The following PZP variants were observed in gnomAD, a reference collection of about 807,000 sequenced individuals.
The protein encoded by PZP is PZP alpha-2-macroglobulin like.
A neutral mutation model predicts 179.8 loss-of-function variants in PZP; 150 were observed. The observed-to-expected ratio is 0.83, with a 90% CI of 0.73 to 0.96. The LOEUF (loss-of-function observed/expected upper bound fraction) is 0.96. PZP is among the 40% of genes least tolerant of loss of function. The pLI is 0.00. For missense variants in PZP, 1,689 were observed against 1,764.0 expected (o/e 0.96, Z 0.76); for synonymous variants, 624 against 652.3 (o/e 0.96, Z 0.66).
At chr12:9,191,715 G>T (rs1592538973) in intron 13 of PZP, among the ~76,000 whole-genome samples, 1 of 151,958 alleles carries the variant, frequency 6.6e-6, no homozygotes, top group South Asian at 2.1e-4. Flanking sequence ...AATAGAAAAC[G>T]ATCTTGGTTC....
Position 9,163,733 on chromosome 12 carries a change from T to G in PZP, c.2671A>C (p.Asn891His). The G allele has an allele frequency of 6.2e-7, 1 of 1,613,892 alleles. No homozygotes were observed. The highest frequency in any genetic ancestry group is 8.5e-7 in the Non-Finnish European group (1 of 1,179,838). ...ATCTCAGGGACCTCAACAACCTCAT[T>G]TCCACAGAGTTCTAAGGACTGCATT... Reference protein sequence around the residue: ...EAMQSLELCGNEVVEVPEIKR... With the variant: ...EAMQSLELCGHEVVEVPEIKR... Residue 891 changes from asparagine to histidine, a missense_variant, in exon 21 of 36, where the codon AAT becomes CAT. Physicochemically the swap from Asn to His is moderately conservative, Grantham distance 68. Around this residue, in one of 3 missense-constraint regions of PZP, gnomAD observed 746 missense variants for 749.2 expected, o/e 1.00. Transcript: ENST00000261336.
Position 9,188,230 on chromosome 12 carries a change from C to T in PZP, c.1546+3963G>A, listed in dbSNP as rs1055374312. Among the ~76,000 whole-genome samples, 7 of 152,262 alleles carry T rather than the reference C, an allele frequency of 4.6e-5. No individual in the cohort carries two copies. In the South Asian group the frequency reaches 8.3e-4, roughly 18 times the overall value. ...CAAGGTTGGTTCAACATAGGCATATCAATAAATGTGATTCATTCATATAAA... is the reference window on the plus strand; with the variant it reads ...CAAGGTTGGTTCAACATAGGCATATTAATAAATGTGATTCATTCATATAAA... On this transcript the variant is annotated intron_variant, in intron 13 of 35. Coordinates refer to ENST00000261336, the MANE Select transcript of PZP (RefSeq NM_002864.3).
Position 9,151,694 on chromosome 12 carries a change from CAGTTAA to C in PZP, c.4213-28_4213-23del, listed in dbSNP as rs752552564. The C allele has an allele frequency of 4.4e-6, 7 of 1,601,302 alleles. No individual in the cohort carries two copies. In the South Asian group the frequency reaches 7.7e-5, roughly 18 times the overall value. ...CAAGCTGGAGAGAATTAGAAAACTTCAGTTAAAGTTAGAGAACAGATGTGAGAATGG... is the reference window on the plus strand; with the variant it reads ...CAAGCTGGAGAGAATTAGAAAACTTCAGTTAGAGAACAGATGTGAGAATGG... On this transcript the variant is annotated intron_variant, in intron 32 of 35. Coordinates refer to ENST00000261336, the MANE Select transcript of PZP (RefSeq NM_002864.3).
chr12:9,158,702 T>C, intron 25 of PZP, 126 bp from the exon 26 acceptor site: 1 of 891,094 alleles, frequency 1.1e-6, no homozygotes, highest in Non-Finnish European at 1.6e-6. Flanking sequence ...TACTGAGAGT[T>C]TGGAGACTTT....
intron 15 of PZP, among the ~76,000 whole-genome samples, chr12:9,171,678 A>G (rs997716036): frequency 8.5e-5 from 13 of 152,242 alleles, no homozygotes; most frequent in African/African-American, 2.9e-4. Context: ...CCGCATCTCA[A>G]GAACTTCACA....
At chr12:9,162,675 A>T in intron 21 of PZP, 27 bp from the exon 22 acceptor site, 1 of 1,541,272 alleles carries the variant, frequency 6.5e-7, no homozygotes. Context: ...GAAAAGGAGA[A>T]AAGATAGAAA....
intron 29 of PZP, among the ~76,000 whole-genome samples, chr12:9,154,206 G>T (rs2120552466): frequency 6.6e-6 from 1 of 152,298 alleles, no homozygotes; most frequent in East Asian, 1.9e-4. Context: ...TGTTTCAACT[G>T]GAAGTGACGT....
intron 7 of PZP, among the ~76,000 whole-genome samples, chr12:9,197,930 A>C (rs1320012470): frequency 1.5e-5 from 2 of 130,566 alleles, no homozygotes; most frequent in Non-Finnish European, 3.1e-5. Flanking sequence ...TATATAAGTT[A>C]TCTATATATT....
the PZP span, among the ~76,000 whole-genome samples, chr12:9,142,406 G>C: frequency 6.6e-6 from 1 of 152,198 alleles, no homozygotes; most frequent in Non-Finnish European, 1.5e-5. Context: ...GTATTTGGCA[G>C]AGATAAGTAT....
chr12:9,204,664 A>G (rs895481546), intron 1 of PZP, among the ~76,000 whole-genome samples: 1 of 152,180 alleles, frequency 6.6e-6, no homozygotes, highest in African/African-American at 2.4e-5. Flanking sequence ...CACACACTGT[A>G]TTTTATTATC....
chr12:9,167,424 G>A (rs569174940), intron 17 of PZP: 1 of 152,008 alleles, frequency 6.6e-6, no homozygotes, highest in Non-Finnish European at 1.5e-5. Context: ...GGCTCACAAG[G>A]GTATCTCCTG....
Position 9,152,245 on chromosome 12 carries a change from A to G in PZP, c.4187T>C (p.Ile1396Thr), listed in dbSNP as rs1399482835. 2 of 1,611,448 alleles carry G rather than the reference A, an allele frequency of 1.2e-6. No homozygotes were observed. The highest frequency in any genetic ancestry group is 2.2e-5 in the East Asian group (1 of 44,838). The stretch of plus-strand genomic sequence containing the variant: ...CATTTTTACTGTTGGTTTCAGGGGA[A>G]TAAAACCAGATACCATCTTTACATC... ...IVDVKMVSGFIPLKPTVKMLE... is the reference protein window; with the variant it reads ...IVDVKMVSGFTPLKPTVKMLE... Residue 1396 changes from isoleucine (I) to threonine (T), a missense_variant, in exon 32 of 36, where the codon ATT becomes ACT. This residue lies in a region of PZP where 746 missense variants were observed against 749.2 expected (regional missense o/e 1.00). Coordinates refer to ENST00000261336, the MANE Select transcript of PZP (RefSeq NM_002864.3).
At position 9,162,608 on chromosome 12, in the gene PZP, G is replaced by A; in HGVS notation, c.2777C>T (p.Thr926Ile). The part of the protein sequence containing the change: ...IEQEKTFSSM[T>I]CASGANVSEQ... ...AGATGGACTCTTACCTGAGGCACAG[G>A]TCATAGAACTGAAAGTCTTTTCTTG... The change falls in exon 22 of 36, where the codon ACC (threonine) becomes ATC (isoleucine). Residue 926 changes from threonine to isoleucine, a missense_variant. Coordinates refer to ENST00000261336, the MANE Select transcript of PZP (RefSeq NM_002864.3). The A allele has an allele frequency of 6.3e-7, 1 of 1,592,652 alleles. No homozygotes were observed. The highest frequency in any genetic ancestry group is 8.6e-7 in the Non-Finnish European group (1 of 1,160,882).
intron 13 of PZP, among the ~76,000 whole-genome samples, chr12:9,187,077 C>CA (rs59000486): frequency 0.035 from 4,458 of 128,678 alleles, 196 homozygotes; most frequent in African/African-American, 0.11. Context: ...CAAGAAAGGT[C>CA]AAAAAAAAAA....
intron 17 of PZP, chr12:9,167,418 C>T (rs1941663036): frequency 6.6e-6 from 1 of 152,150 alleles, no homozygotes; most frequent in Non-Finnish European, 1.5e-5. Flanking sequence ...GGCATGGGCT[C>T]ACAAGGGTAT....
intron 15 of PZP, chr12:9,169,946 T>A: frequency 6.2e-6 from 1 of 162,440 alleles, no homozygotes; most frequent in Non-Finnish European, 1.3e-5. Flanking sequence ...AGCTACATAT[T>A]ATTATTGCCA....
chr12:9,150,833 T>G (rs747876501), intron 33 of PZP, 87 bp from the exon 34 acceptor site: 82 of 857,762 alleles, frequency 9.6e-5, no homozygotes, highest in Non-Finnish European at 1.5e-4. Context: ...GTTCTTTGAC[T>G]CTTTTTCACC....
chr12:9,201,304 A>G (rs1345418603), intron 5 of PZP, 23 bp downstream of exon 5: 3 of 1,515,752 alleles, frequency 2.0e-6, no homozygotes, highest in African/African-American at 2.8e-5. Flanking sequence ...ATTTCCTTAT[A>G]AGATACTTTT....
At chr12:9,152,985 CT>C (rs1565622078) in intron 30 of PZP, 34 bp from the exon 31 acceptor site, 2 of 1,613,664 alleles carry the variant, frequency 1.2e-6, no homozygotes, top group Non-Finnish European at 8.5e-7. Context: ...CAGTTTCTCT[CT>C]TTTTCTGGAC....
Sources: gnomAD v4.1 joint callset for allele counts (sites outside exome capture counted in the v4.1 genomes callset) on GRCh38, gnomAD v4.1.1 for gene constraint, gnomAD v4.1.1 regional missense constraint, MANE v1.5 for transcripts, NCBI Gene and HGNC (gene_info 2026-07-23, HGNC 2026-07-21) for gene names.